PCSK6: variants seen among roughly 807,000 people sequenced by gnomAD.
PCSK6 encodes the protein proprotein convertase subtilisin/kexin type 6, also known as paired basic amino acid cleaving enzyme 4.
Under a neutral mutation model 123.3 loss-of-function variants are expected in PCSK6, and 85 were observed. The observed-to-expected ratio is 0.69, with a 90% CI of 0.58 to 0.83. The LOEUF (loss-of-function observed/expected upper bound fraction) is 0.83. Ranked by LOEUF, PCSK6 falls within the 40% of genes least tolerant of loss-of-function variation. The pLI is 0.00. For synonymous variants in PCSK6, 508 were observed against 516.0 expected (o/e 0.98, Z 0.21); for missense variants, 1,191 against 1,282.3 (o/e 0.93, Z 1.09).
At chr15:101,487,863 G>A (rs2058055048) in intron 1 of PCSK6, among the ~76,000 whole-genome samples, 2 of 152,058 alleles carry the variant, frequency 1.3e-5, no homozygotes, top group Non-Finnish European at 2.9e-5. Context: ...TGTTTGGAGG[G>A]CCTTGAGTGG....
chr15:101,307,426 C>T lies in PCSK6; in HGVS notation c.2700-101G>A, dbSNP rs1339726807. ...ACCTCCCTGCACCTCCTTCCCACCC[C>T]CTCAGCCTCGGTCCTCTGTGGAGAG... is the stretch of plus-strand genomic sequence containing the variant. On this transcript the variant is annotated intron_variant, in intron 20 of 21. Transcript: ENST00000611716. The T allele has an allele frequency of 8.9e-6, 7 of 787,844 alleles. No individual in the cohort carries two copies. In the Admixed American group the frequency reaches 1.0e-4, roughly 12 times the overall value. The allele number at this position is 787,844 out of a possible 1,614,324, so 48.8% of individuals were successfully genotyped here.
intron 9 of PCSK6, among the ~76,000 whole-genome samples, chr15:101,386,051 C>T (rs900881603): frequency 2.0e-5 from 3 of 151,816 alleles, no homozygotes; most frequent in East Asian, 1.9e-4. Flanking sequence ...TCCCAGGGCT[C>T]GTTGGGATGC....
At chr15:101,487,682 G>A (rs2058050775) in intron 1 of PCSK6, among the ~76,000 whole-genome samples, 2 of 152,192 alleles carry the variant, frequency 1.3e-5, no homozygotes, top group South Asian at 4.1e-4. Flanking sequence ...TTTAGCTGAA[G>A]ACAAATTGCT....
At chr15:101,367,800 G>A (rs563983807) in intron 12 of PCSK6, among the ~76,000 whole-genome samples, 2 of 152,288 alleles carry the variant, frequency 1.3e-5, no homozygotes, top group South Asian at 4.1e-4. Flanking sequence ...ATGACAGCTG[G>A]AGTAGCCTCA....
chr15:101,450,066 C>A (rs900060238), intron 1 of PCSK6, among the ~76,000 whole-genome samples: 1 of 152,158 alleles, frequency 6.6e-6, no homozygotes, highest in South Asian at 2.1e-4. Context: ...CCTCCTGAGG[C>A]GTTCCTTGTC....
At chr15:101,454,967 TG>T (rs2057138568) in intron 1 of PCSK6, among the ~76,000 whole-genome samples, 2 of 151,508 alleles carry the variant, frequency 1.3e-5, no homozygotes, top group South Asian at 4.2e-4. Flanking sequence ...AATGAATGAA[TG>T]AATGAATGAA....
rs374238571 is a variant in PCSK6, at chr15:101,326,418, C to G, written c.2139G>C (p.Leu713Phe). The stretch of plus-strand genomic sequence containing the variant: ...TCCCCAGGCTGAAGTGGACGCAGTT[C>G]AAGCACTGGTCTGCATTGGGGCCAT... Reference protein sequence around the residue: ...GCDGPNADQCLNCVHFSLGSV... With the variant: ...GCDGPNADQCFNCVHFSLGSV... Residue 713 changes from leucine to phenylalanine, a missense_variant, in exon 16 of 22, where the codon TTG (leucine) becomes TTC (phenylalanine). Leu to Phe is a conservative substitution (Grantham distance 22, BLOSUM62 0). This residue lies in a region of PCSK6 where 630 missense variants were observed against 631.4 expected (regional missense o/e 1.00). Transcript: ENST00000611716. 3.3e-5 allele frequency: 53 copies of G among 1,585,006 alleles called. No individual in the cohort carries two copies. Among genetic ancestry groups the G allele is most frequent in the Non-Finnish European group, 4.5e-5 (53 of 1,165,452 alleles).
intron 1 of PCSK6, among the ~76,000 whole-genome samples, chr15:101,468,799 C>T (rs933447866): frequency 3.9e-5 from 6 of 152,228 alleles, no homozygotes; most frequent in African/African-American, 1.2e-4. Flanking sequence ...GTGTGCCCGT[C>T]AGGCAAGGAG....
chr15:101,462,500 C>T (rs1282064406), intron 1 of PCSK6, among the ~76,000 whole-genome samples: 5 of 152,128 alleles, frequency 3.3e-5, no homozygotes, highest in Non-Finnish European at 7.4e-5. Flanking sequence ...ATAAGACTTG[C>T]CCCACCACAT....
chr15:101,420,268 T>A (rs1362140516), intron 6 of PCSK6, among the ~76,000 whole-genome samples: 1 of 149,684 alleles, frequency 6.7e-6, no homozygotes, highest in Non-Finnish European at 1.5e-5. Context: ...TAAAACTAAG[T>A]TTTTAGAGGA....
At chr15:101,435,917 A>C (rs11856075) in intron 2 of PCSK6, among the ~76,000 whole-genome samples, 1 of 152,094 alleles carries the variant, frequency 6.6e-6, no homozygotes, top group South Asian at 2.1e-4. Flanking sequence ...TTGTCCAAGC[A>C]TCCTTTCAGC....
At position 101,442,888 on chromosome 15, in the gene PCSK6, C is replaced by A. The variant is rs569386427; in HGVS notation, c.402+668G>T. ...TCTGTCAGCCCTGCCGCCAGCTCCA[C>A]GGGCCCTGCTATGGACAGAGCCAGC... On this transcript the variant is annotated intron_variant, in intron 2 of 21. Coordinates refer to ENST00000611716, the MANE Select transcript of PCSK6 (RefSeq NM_002570.5). 2.7e-4 allele frequency among the ~76,000 whole-genome samples: 41 copies of A among 152,262 alleles called. 1 individual carries two copies. In the East Asian group the frequency reaches 7.5e-3, roughly 28 times the overall value.
Position 101,429,961 on chromosome 15 carries a change from C to T in PCSK6, c.734+26G>A, listed in dbSNP as rs377326254. ...ACGCTGCAGGGAGGGGAAGAGAAGC[C>T]GGGGAGATGAGGCGAGGTGACGTAC... On this transcript the variant is annotated intron_variant, in intron 5 of 21. Coordinates refer to ENST00000611716, the MANE Select transcript of PCSK6 (RefSeq NM_002570.5). 1,561 of 1,582,704 alleles carry T rather than the reference C, an allele frequency of 9.9e-4. 1 individual carries two copies. Among genetic ancestry groups the T allele is most frequent in the Non-Finnish European group, 1.2e-3 (1,399 of 1,151,744 alleles).
At chr15:101,457,455 C>T (rs1172435695) in intron 1 of PCSK6, among the ~76,000 whole-genome samples, 1 of 152,214 alleles carries the variant, frequency 6.6e-6, no homozygotes, top group Non-Finnish European at 1.5e-5. Context: ...GCCCCAGCCT[C>T]CCAGGGCGCA....
At chr15:101,336,615 T>C (rs1215594678) in intron 13 of PCSK6, among the ~76,000 whole-genome samples, 1 of 152,228 alleles carries the variant, frequency 6.6e-6, no homozygotes, top group African/African-American at 2.4e-5. Flanking sequence ...AAGCAATTTA[T>C]AAACTTGTAA....
At chr15:101,457,945 T>A (rs1017848657) in intron 1 of PCSK6, among the ~76,000 whole-genome samples, 1 of 152,196 alleles carries the variant, frequency 6.6e-6, no homozygotes, top group African/African-American at 2.4e-5. Context: ...ATGCTCACAT[T>A]CCATCTGATG....
chr15:101,366,374 C>T, intron 12 of PCSK6, 42 bp from the exon 13 acceptor site: 2 of 1,585,862 alleles, frequency 1.3e-6, no homozygotes. Context: ...GGTGCTGGTA[C>T]TGAGTGGCTG....
At chr15:101,422,659 C>T (rs1019709388) in intron 6 of PCSK6, among the ~76,000 whole-genome samples, 4 of 151,336 alleles carry the variant, frequency 2.6e-5, no homozygotes, top group Admixed American at 2.0e-4. Context: ...CTCGCTCTGT[C>T]GCCCAGGCTG....
At chr15:101,392,354 C>T (rs1001874440) in intron 8 of PCSK6, among the ~76,000 whole-genome samples, 2 of 152,166 alleles carry the variant, frequency 1.3e-5, no homozygotes, top group Admixed American at 6.5e-5. Context: ...TTCACTGGTG[C>T]GGAGCAAAGC....
Sources: gnomAD v4.1 joint callset for allele counts (sites outside exome capture counted in the v4.1 genomes callset) on GRCh38, gnomAD v4.1.1 for gene constraint, gnomAD v4.1.1 regional missense constraint, MANE v1.5 for transcripts, NCBI Gene and HGNC (gene_info 2026-07-23, HGNC 2026-07-21) for gene names.